IGF2BP2: variants seen among roughly 807,000 people sequenced by gnomAD.
The protein encoded by IGF2BP2 is insulin like growth factor 2 mRNA binding protein 2.
In IGF2BP2, 17 loss-of-function variants were observed where a neutral mutation model predicts 75.8. That is an observed-to-expected ratio of 0.22 (90% CI 0.15 to 0.34). The LOEUF (loss-of-function observed/expected upper bound fraction) is 0.34, where lower values mean the gene tolerates loss of function less well. Among genes scored for constraint, IGF2BP2 ranks in the 10% least tolerant of loss-of-function variants. The probability of loss-of-function intolerance (pLI) is 1.00; values close to 1 mark genes in which losing one functional copy is unlikely to be tolerated. For synonymous variants in IGF2BP2, 288 were observed against 295.6 expected (o/e 0.97, Z 0.26); for missense variants, 516 against 772.4 (o/e 0.67, Z 3.93).
chr3:185,715,673 C>A (rs996791354), intron 2 of IGF2BP2, among the ~76,000 whole-genome samples: 7 of 151,222 alleles, frequency 4.6e-5, no homozygotes, highest in Non-Finnish European at 8.8e-5. Context: ...GATGGAGTTT[C>A]ATTCTTGTTG....
chr3:185,749,015 T>C (rs1046753572), intron 2 of IGF2BP2, among the ~76,000 whole-genome samples: 2 of 151,964 alleles, frequency 1.3e-5, no homozygotes, highest in African/African-American at 4.8e-5. Flanking sequence ...AATACAAAAA[T>C]TAGCTGGGCA....
chr3:185,711,599 G>A (rs1267057628), intron 2 of IGF2BP2, among the ~76,000 whole-genome samples: 1 of 152,222 alleles, frequency 6.6e-6, no homozygotes. Flanking sequence ...GCAGAGAGGT[G>A]CACATGGGAG....
chr3:185,741,884 T>C (rs1042727489), intron 2 of IGF2BP2, among the ~76,000 whole-genome samples: 5 of 138,662 alleles, frequency 3.6e-5, no homozygotes, highest in Non-Finnish European at 7.7e-5. Flanking sequence ...GCCTTGAATG[T>C]AGAAAGAAGG....
intron 2 of IGF2BP2, among the ~76,000 whole-genome samples, chr3:185,799,986 T>C (rs1049959987): frequency 2.6e-5 from 4 of 152,230 alleles, no homozygotes; most frequent in African/African-American, 9.6e-5. Context: ...CACGTATCTT[T>C]ACTGTGGCAC....
At position 185,657,260 on chromosome 3, in the gene IGF2BP2, C is replaced by G. The variant is rs1271379887; in HGVS notation, c.1386+26G>C. On this transcript the variant is annotated intron_variant, in intron 12 of 15. Coordinates refer to ENST00000382199, the MANE Select transcript of IGF2BP2 (RefSeq NM_006548.6). ...GGATGAGAGGAGGTGGTAGAAGGGC[C>G]ACAGGGCCGTCAGGAGCAGCCTCAC... 4 of 1,543,356 alleles carry G rather than the reference C, an allele frequency of 2.6e-6. No homozygotes were observed. In the South Asian group the frequency reaches 4.5e-5, roughly 17 times the overall value.
chr3:185,735,147 CTTT>C (rs11314977), intron 2 of IGF2BP2, among the ~76,000 whole-genome samples: 16 of 136,904 alleles, frequency 1.2e-4, no homozygotes, highest in South Asian at 2.4e-4. Context: ...CATTTAAATC[CTTT>C]TTTTTTTTTT....
chr3:185,801,645 T>C (rs1184676668), intron 2 of IGF2BP2, among the ~76,000 whole-genome samples: 1 of 152,036 alleles, frequency 6.6e-6, no homozygotes, highest in African/African-American at 2.4e-5. Flanking sequence ...GAAATACCAT[T>C]TGACCCAGCA....
chr3:185,752,985 C>CA (rs1731155602), intron 2 of IGF2BP2, among the ~76,000 whole-genome samples: 1 of 152,132 alleles, frequency 6.6e-6, no homozygotes, highest in African/African-American at 2.4e-5. Context: ...AGAGAGAATG[C>CA]AGGGGGCTGA....
intron 2 of IGF2BP2, among the ~76,000 whole-genome samples, chr3:185,796,780 G>A (rs902235069): frequency 2.0e-5 from 3 of 152,142 alleles, no homozygotes; most frequent in African/African-American, 7.2e-5. Flanking sequence ...TGTTTACTTT[G>A]TAGTAGTCAC....
intron 2 of IGF2BP2, among the ~76,000 whole-genome samples, chr3:185,779,296 A>G (rs981252596): frequency 6.6e-6 from 1 of 152,208 alleles, no homozygotes; most frequent in Non-Finnish European, 1.5e-5. Flanking sequence ...TTCAAAGTGT[A>G]TTGTGAGCAT....
At chr3:185,769,228 G>A (rs1418499674) in intron 2 of IGF2BP2, among the ~76,000 whole-genome samples, 1 of 151,932 alleles carries the variant, frequency 6.6e-6, no homozygotes, top group Non-Finnish European at 1.5e-5. Context: ...AGGAGGATGG[G>A]AGGATGGATT....
At chr3:185,680,446 T>C (rs1720203782) in intron 7 of IGF2BP2, among the ~76,000 whole-genome samples, 1 of 152,142 alleles carries the variant, frequency 6.6e-6, no homozygotes, top group South Asian at 2.1e-4. Flanking sequence ...ATTTCCAAGC[T>C]CATTCCATGA....
chr3:185,795,432 TG>T (rs1737233371), intron 2 of IGF2BP2, among the ~76,000 whole-genome samples: 1 of 152,236 alleles, frequency 6.6e-6, no homozygotes, highest in Non-Finnish European at 1.5e-5. Context: ...TGCTTTAACA[TG>T]GGTGTACAAA....
chr3:185,726,654 G>A (rs961069839), intron 2 of IGF2BP2, among the ~76,000 whole-genome samples: 1 of 152,178 alleles, frequency 6.6e-6, no homozygotes, highest in African/African-American at 2.4e-5. Flanking sequence ...CTGGGAGGTA[G>A]ATATTATCGT....
At chr3:185,805,590 G>A (rs1578369430) in intron 2 of IGF2BP2, among the ~76,000 whole-genome samples, 1 of 151,836 alleles carries the variant, frequency 6.6e-6, no homozygotes, top group Non-Finnish European at 1.5e-5. Flanking sequence ...AGTTGTTGAG[G>A]AAAACTGAGA....
chr3:185,665,349 G>A (rs1577876224), intron 10 of IGF2BP2, among the ~76,000 whole-genome samples: 1 of 142,086 alleles, frequency 7.0e-6, no homozygotes. Flanking sequence ...AGGAGAAGGA[G>A]GAGGAGGAGA....
intron 2 of IGF2BP2, among the ~76,000 whole-genome samples, chr3:185,709,396 C>T (rs563073459): frequency 4.8e-4 from 73 of 152,286 alleles, no homozygotes; most frequent in Non-Finnish European, 8.5e-4. Flanking sequence ...ACAGCATGTG[C>T]GCAGCAATCA....
rs1425160199 is a variant in IGF2BP2 at position 185,677,056 on chromosome 3, TATATATATATATAGAGAGAGAG to T, written c.813-1165_813-1144del. On this transcript the variant is annotated intron_variant, in intron 7 of 15. Transcript: ENST00000382199. ...ATATATATATGGAGATATATATATA[TATATATATATATAGAGAGAGAG>T]AGAGAGAGAGAGAGAGAGAGAGAGA... Among the ~76,000 whole-genome samples the T allele has an allele frequency of 7.2e-5, 4 of 55,344 alleles. No individual in the cohort carries two copies. The East Asian group carries it at 1.4e-3, about 19-fold the overall frequency. 36.3% of individuals were successfully genotyped at this position (55,344 alleles called of 152,430 possible). A position where few individuals can be genotyped will look rare whatever the true frequency, so the allele number is the denominator to read the frequency against.
chr3:185,706,186 T>A (rs2149393742), intron 2 of IGF2BP2, among the ~76,000 whole-genome samples: 1 of 152,276 alleles, frequency 6.6e-6, no homozygotes, highest in African/African-American at 2.4e-5. Context: ...CTGGGCAACA[T>A]GGCAAGACCT....
Sources: allele counts gnomAD v4.1 joint callset (sites outside exome capture counted in the v4.1 genomes callset), GRCh38; gene constraint gnomAD v4.1.1; transcripts MANE v1.5; gene names NCBI Gene and HGNC (gene_info 2026-07-23, HGNC 2026-07-21).